ZNF469: variants seen among roughly 807,000 people sequenced by gnomAD.
ZNF469 encodes zinc finger protein 469.
ZNF469 carries 1 observed loss-of-function variant against 1.0 expected under a neutral mutation model. The ratio of observed to expected loss-of-function variants is 1.00; its 90% CI spans 0.35 to 4.73. ZNF469 has a LOEUF of 4.73. ZNF469 is among the 30% of genes most tolerant of loss of function. The pLI is 0.16. For missense variants in ZNF469, 6,100 were observed against 5,356.3 expected, an observed-to-expected ratio of 1.14 and a Z score of -4.33; for synonymous variants, 2,703 against 2,363.4, an observed-to-expected ratio of 1.14 and a Z score of -4.17.
the ZNF469 span, among the ~76,000 whole-genome samples, chr16:88,184,837 C>T: frequency 6.6e-6 from 1 of 152,232 alleles, no homozygotes. Flanking sequence ...CACTCCCTCT[C>T]GGGCTGGCTT....
the ZNF469 span, among the ~76,000 whole-genome samples, chr16:88,132,282 C>T: frequency 1.2e-3 from 183 of 152,374 alleles, no homozygotes; most frequent in African/African-American, 4.0e-3. Context: ...ACTCGGTGCT[C>T]GGGGACGGAC....
chr16:88,334,024 CTG>C, the ZNF469 span, among the ~76,000 whole-genome samples: 2 of 142,224 alleles, frequency 1.4e-5, no homozygotes, highest in East Asian at 2.0e-4. Context: ...GTGTGTGTGT[CTG>C]TGTGTGCATG....
the ZNF469 span, among the ~76,000 whole-genome samples, chr16:88,133,258 G>A: frequency 6.6e-6 from 1 of 152,246 alleles, no homozygotes; most frequent in Non-Finnish European, 1.5e-5. Context: ...AGAATAAAGG[G>A]TTACTTCTGA....
chr16:88,157,666 G>A, the ZNF469 span, among the ~76,000 whole-genome samples: 1 of 152,166 alleles, frequency 6.6e-6, no homozygotes, highest in African/African-American at 2.4e-5. Context: ...AGTTTATTTG[G>A]TTGGATGTGG....
chr16:88,163,025 ATGGGTGGCTGGATGAATGGATGTG>A, the ZNF469 span, among the ~76,000 whole-genome samples: 1 of 150,826 alleles, frequency 6.6e-6, no homozygotes, highest in Non-Finnish European at 1.5e-5. Context: ...GTGTGGATTG[ATGGGTGGCTGGATGAATGGATGTG>A]TGGGTGGGTA....
At position 88,429,599 on chromosome 16, in the gene ZNF469, C is replaced by T. The variant is rs1267768382; in HGVS notation, c.2129C>T (p.Pro710Leu). ...CTGCAGGGCTTCCCCCGTGCGCCGCCTCCGTACCCCACACACCACTTCTCC... is the reference window on the plus strand; with the variant it reads ...CTGCAGGGCTTCCCCCGTGCGCCGCTTCCGTACCCCACACACCACTTCTCC... ...GGLQGFPRAP[P>L]PYPTHHFSLS... Residue 710 changes from proline (P) to leucine (L), a missense_variant, in exon 3 of 3, where the codon CCT becomes CTT. Physicochemically the swap from Pro to Leu is moderately conservative, Grantham distance 98. Coordinates refer to ENST00000565624, the MANE Select transcript of ZNF469 (RefSeq NM_001367624.2). 6 of 1,549,078 alleles carry T rather than the reference C, an allele frequency of 3.9e-6. No individual in the cohort carries two copies. In the African/African-American group the frequency reaches 4.1e-5, roughly 11 times the overall value.
the ZNF469 span, among the ~76,000 whole-genome samples, chr16:88,122,239 T>TCACTA: frequency 6.8e-6 from 1 of 147,234 alleles, no homozygotes; most frequent in Non-Finnish European, 1.5e-5. Context: ...AACCTGTCAC[T>TCACTA]CGCTACAGCC....
In ZNF469 at chr16:88,429,245, C is replaced by G. The variant is rs538240075; in HGVS notation, c.1775C>G (p.Pro592Arg). The G allele has an allele frequency of 4.5e-6, 7 of 1,549,788 alleles. No individual in the cohort carries two copies. The East Asian group carries it at 9.8e-5, about 22-fold the overall frequency. The change falls in exon 3 of 3, where the codon CCA becomes CGA. Residue 592 changes from proline (P) to arginine (R), a missense_variant. Pro to Arg is a moderately radical substitution (Grantham distance 103). Coordinates refer to ENST00000565624, the MANE Select transcript of ZNF469 (RefSeq NM_001367624.2). ...RVVGASPSESPLPSPATNTAG... is the reference protein window; with the variant it reads ...RVVGASPSESRLPSPATNTAG... ...GTGGGAGCCTCCCCCAGCGAGTCCCCACTGCCGTCACCGGCCACCAACACG... is the reference window on the plus strand; with the variant it reads ...GTGGGAGCCTCCCCCAGCGAGTCCCGACTGCCGTCACCGGCCACCAACACG...
the ZNF469 span, among the ~76,000 whole-genome samples, chr16:88,103,009 G>T: frequency 6.6e-6 from 1 of 152,266 alleles, no homozygotes; most frequent in South Asian, 2.1e-4. Flanking sequence ...GGATAGTTTT[G>T]TTCTCGTGTT....
the ZNF469 span, among the ~76,000 whole-genome samples, chr16:88,354,232 C>T: frequency 3.4e-3 from 516 of 152,274 alleles, 1 homozygote; most frequent in Non-Finnish European, 4.1e-3. Context: ...CATTTGAATC[C>T]GGGTCTGTAG....
chr16:88,176,974 G>C, the ZNF469 span, among the ~76,000 whole-genome samples: 2 of 152,276 alleles, frequency 1.3e-5, no homozygotes, highest in African/African-American at 4.8e-5. Flanking sequence ...CCGTGGCAGG[G>C]AAGCCTCATC....
At chr16:88,232,472 C>T in the ZNF469 span, among the ~76,000 whole-genome samples, 7 of 152,194 alleles carry the variant, frequency 4.6e-5, no homozygotes, top group African/African-American at 1.7e-4. Context: ...GCACTGGCCA[C>T]TGCAATCTCT....
At chr16:88,209,105 C>T in the ZNF469 span, among the ~76,000 whole-genome samples, 25 of 152,146 alleles carry the variant, frequency 1.6e-4, no homozygotes, top group East Asian at 3.5e-3. Context: ...CCTGCCCCCT[C>T]TTTTTTTCCT....
intron 1 of ZNF469, among the ~76,000 whole-genome samples, chr16:88,402,462 G>A (rs1026238381): frequency 2.0e-5 from 3 of 152,106 alleles, no homozygotes; most frequent in African/African-American, 7.2e-5. Context: ...AGACAGTCTG[G>A]GGGCACCAGC....
intron 1 of ZNF469, among the ~76,000 whole-genome samples, chr16:88,398,455 T>A (rs74032815): frequency 0.27 from 38,387 of 144,226 alleles, 5,446 homozygotes; most frequent in African/African-American, 0.41. Context: ...TGAGACATGG[T>A]TAAAGGGGGA....
chr16:88,349,331 T>A, the ZNF469 span, among the ~76,000 whole-genome samples: 1 of 151,908 alleles, frequency 6.6e-6, no homozygotes, highest in African/African-American at 2.4e-5. Flanking sequence ...GACATGCACA[T>A]GAGCACCACA....
chr16:88,374,096 C>T, the ZNF469 span, among the ~76,000 whole-genome samples: 497 of 152,194 alleles, frequency 3.3e-3, 6 homozygotes, highest in African/African-American at 0.011. Flanking sequence ...AAAGAGCAGA[C>T]TCAGCCCATC....
chr16:88,436,685 G>A lies in ZNF469; in HGVS notation c.9215G>A (p.Gly3072Asp), dbSNP rs1024816121. The change falls in exon 3 of 3, where the codon GGC (glycine) becomes GAC (aspartate). Residue 3072 changes from glycine (G) to aspartate (D), a missense_variant. By Grantham distance (94) the Gly-to-Asp change is moderately conservative. Transcript: ENST00000565624. ...TTTGAAGACCCCGTGGGTCTCCCCG[G>A]CCCCAGCTTCTTAGACTTCGAGGGC... Reference protein sequence around the residue: ...GPFEDPVGLPGPSFLDFEGTA... With the variant: ...GPFEDPVGLPDPSFLDFEGTA... The A allele has an allele frequency of 5.8e-6, 9 of 1,550,242 alleles. No homozygotes were observed. Among genetic ancestry groups the A allele is most frequent in the East Asian group, 4.9e-5 (2 of 40,916 alleles).
upstream of ZNF469, among the ~76,000 whole-genome samples, chr16:88,381,622 A>T (rs1012567867): frequency 6.6e-6 from 1 of 152,218 alleles, no homozygotes; most frequent in Admixed American, 6.5e-5. Flanking sequence ...CCCATTTTCC[A>T]TGGAAAGGGA....
Sources: allele counts gnomAD v4.1 joint callset (sites outside exome capture counted in the v4.1 genomes callset), GRCh38; gene constraint gnomAD v4.1.1; transcripts MANE v1.5; gene names NCBI Gene and HGNC (gene_info 2026-07-23, HGNC 2026-07-21).